Variants in FAM167A observed in about 807,000 individuals in gnomAD.
FAM167A encodes protein FAM167A.
Under a neutral mutation model 14.9 loss-of-function variants are expected in FAM167A, and 23 were observed. The observed-to-expected ratio is 1.55, with a 90% CI of 1.11 to 2.19. The LOEUF is 2.19. Ranked by LOEUF, FAM167A falls within the 30% of genes most tolerant of loss-of-function variation. The pLI is 0.00. For synonymous variants in FAM167A, 174 were observed against 117.7 expected (o/e 1.48, Z -3.10); for missense variants, 401 against 281.5 (o/e 1.42, Z -3.04).
chr8:11,439,105 G>T (rs7014769), intron 2 of FAM167A, among the ~76,000 whole-genome samples: 38 of 152,340 alleles, frequency 2.5e-4, no homozygotes, highest in African/African-American at 8.7e-4. Flanking sequence ...GTGTGTCTGT[G>T]TCGTGGCTTA....
In FAM167A at chr8:11,423,310, A is replaced by G. The variant is rs1031669925; in HGVS notation, c.*1063T>C. On this transcript the variant is annotated 3_prime_UTR_variant, in exon 3 of 3. Transcript: ENST00000284486. ...GGAGAAACTCTTAAAATCAAATCCT[A>G]CGCACTGTAGTTGACCTACACAAGT... 11 of 152,482 alleles carry G rather than the reference A, an allele frequency of 7.2e-5. No homozygotes were observed. Among genetic ancestry groups the G allele is most frequent in the African/African-American group, 2.2e-4 (9 of 41,442 alleles). 9.4% of individuals were successfully genotyped at this position (152,482 alleles called of 1,614,324 possible). A position where few individuals can be genotyped will look rare whatever the true frequency, so the allele number is the denominator to read the frequency against.
In FAM167A at chr8:11,422,883, A is replaced by G. The variant is rs763853109; in HGVS notation, c.*1490T>C. 3.3e-5 allele frequency: 5 copies of G among 152,602 alleles called. No individual in the cohort carries two copies. Among genetic ancestry groups the G allele is most frequent in the African/African-American group, 1.2e-4 (5 of 41,430 alleles). The allele number at this position is 152,602 out of a possible 1,614,324, so 9.5% of individuals were successfully genotyped here. A position where few individuals can be genotyped will look rare whatever the true frequency, so the allele number is the denominator to read the frequency against. The stretch of plus-strand genomic sequence containing the variant: ...TCAGTGCCTTGCTCCACCTTGACCC[A>G]AATGTTCTGAATTGCAATACTCTGG... On this transcript the variant is annotated 3_prime_UTR_variant, in exon 3 of 3. Transcript: ENST00000284486.
At position 11,444,156 on chromosome 8, in the gene FAM167A, T is replaced by C; in HGVS notation, c.256A>G (p.Arg86Gly). ...RGGQEPLLPL[R>G]EAGQHPPSAR... ...GAAGGGGGGTGCTGCCCAGCCTCTC[T>C]CAGGGGGAGCAAGGGCTCCTGCCCC... The change falls in exon 2 of 3, where the codon AGA becomes GGA. Residue 86 changes from arginine (R) to glycine (G), a missense_variant. By Grantham distance (125) the Arg-to-Gly change is moderately radical. Transcript: ENST00000284486. 7 of 1,613,060 alleles carry C rather than the reference T, an allele frequency of 4.3e-6. No individual in the cohort carries two copies. Among genetic ancestry groups the C allele is most frequent in the Non-Finnish European group, 5.9e-6 (7 of 1,179,836 alleles).
At chr8:11,446,635 G>T (rs1806796404) in intron 1 of FAM167A, 1 of 152,160 alleles carries the variant, frequency 6.6e-6, no homozygotes, top group African/African-American at 2.4e-5. Context: ...TAAAATGGGA[G>T]TGATAAATAC....
intron 1 of FAM167A, chr8:11,445,509 C>T: frequency 1.0e-6 from 1 of 985,642 alleles, no homozygotes; most frequent in African/African-American, 1.7e-5. Flanking sequence ...AACAAGCAGG[C>T]TGTGACTCAT....
At chr8:11,447,189 C>T (rs4841532) in intron 1 of FAM167A, among the ~76,000 whole-genome samples, 69,645 of 145,936 alleles carry the variant, frequency 0.48, 17,184 homozygotes, top group East Asian at 0.66. Flanking sequence ...TTTTCTTTTT[C>T]TTTTTTTTGA....
intron 2 of FAM167A, among the ~76,000 whole-genome samples, chr8:11,429,245 C>T (rs899662542): frequency 2.0e-5 from 3 of 152,190 alleles, no homozygotes; most frequent in Non-Finnish European, 4.4e-5. Flanking sequence ...TTTCACTTAG[C>T]ATAATGTCCT....
chr8:11,452,254 G>A (rs1262657787), intron 1 of FAM167A, among the ~76,000 whole-genome samples: 3 of 152,224 alleles, frequency 2.0e-5, no homozygotes, highest in Non-Finnish European at 2.9e-5. Context: ...AGGACAGAAT[G>A]ACAATTTCGC....
At chr8:11,462,184 C>T (rs1300525877) in intron 1 of FAM167A, among the ~76,000 whole-genome samples, 2 of 152,210 alleles carry the variant, frequency 1.3e-5, no homozygotes, top group African/African-American at 4.8e-5. Flanking sequence ...CGGGTTCACA[C>T]CTCGCAGAGG....
At chr8:11,465,840 G>C (rs552929189) in intron 1 of FAM167A, among the ~76,000 whole-genome samples, 19 of 152,320 alleles carry the variant, frequency 1.2e-4, no homozygotes, top group Non-Finnish European at 2.4e-4. Context: ...GGGAGAACCT[G>C]CTTGCAGGCA....
At chr8:11,445,418 A>C (rs1413384264) in intron 1 of FAM167A, 2 of 985,630 alleles carry the variant, frequency 2.0e-6, no homozygotes, top group East Asian at 2.3e-4. Flanking sequence ...ACAACACCTT[A>C]CCTCACCTCT....
intron 2 of FAM167A, chr8:11,438,317 C>T (rs1806183171): frequency 2.2e-5 from 9 of 410,968 alleles, no homozygotes; most frequent in South Asian, 1.4e-4. Flanking sequence ...AGCTGCAGCT[C>T]CCTGGCCAGC....
At chr8:11,455,177 G>C (rs1250355289) in intron 1 of FAM167A, among the ~76,000 whole-genome samples, 2 of 91,692 alleles carry the variant, frequency 2.2e-5, no homozygotes, top group Non-Finnish European at 4.6e-5. Context: ...TTGTTGCCTT[G>C]CTGAGTGTGG....
intron 1 of FAM167A, among the ~76,000 whole-genome samples, chr8:11,474,199 G>A (rs576782844): frequency 1.1e-4 from 17 of 152,280 alleles, no homozygotes; most frequent in African/African-American, 1.7e-4. Context: ...ACGTCTGCGC[G>A]CCAACTGCTC....
chr8:11,444,002 T>G (rs770934263), intron 2 of FAM167A, 29 bp downstream of exon 2: 3 of 1,589,876 alleles, frequency 1.9e-6, no homozygotes. Context: ...TCTCCTCTTT[T>G]CTGGGGATTC....
chr8:11,451,645 A>G (rs1490047856), intron 1 of FAM167A, among the ~76,000 whole-genome samples: 2 of 152,156 alleles, frequency 1.3e-5, no homozygotes, highest in African/African-American at 4.8e-5. Context: ...CCTGGTGACC[A>G]GGTGTGAGCA....
rs181043853 is a variant in FAM167A, at chr8:11,425,671, C to G, written c.382-1035G>C. Among the ~76,000 whole-genome samples, 778 of 151,982 alleles carry G rather than the reference C, an allele frequency of 5.1e-3. 5 individuals are homozygous for G. The highest frequency in any genetic ancestry group is 0.018 in the African/African-American group (747 of 41,420). On this transcript the variant is annotated intron_variant, in intron 2 of 2. Coordinates refer to ENST00000284486, the MANE Select transcript of FAM167A (RefSeq NM_053279.3). ...GAGTTCAGACATGCTTTGTTATACC[C>G]CCCCTTGCTGTTGGAGTTTAGGCAC...
intron 2 of FAM167A, among the ~76,000 whole-genome samples, chr8:11,439,101 CTG>C (rs1348259803): frequency 6.6e-6 from 1 of 152,226 alleles, no homozygotes; most frequent in African/African-American, 2.4e-5. Flanking sequence ...TGATGTGTGT[CTG>C]TGTCGTGGCT....
chr8:11,430,753 G>T (rs552987754), intron 2 of FAM167A, among the ~76,000 whole-genome samples: 27 of 152,268 alleles, frequency 1.8e-4, no homozygotes, highest in African/African-American at 6.3e-4. Context: ...TGAGGGGAGG[G>T]TGTGGCAAGG....
Sources: gnomAD v4.1 joint callset for allele counts (sites outside exome capture counted in the v4.1 genomes callset) on GRCh38, gnomAD v4.1.1 for gene constraint, MANE v1.5 for transcripts, NCBI Gene and HGNC (gene_info 2026-07-23, HGNC 2026-07-21) for gene names.